The following CSMD1 variants were observed in gnomAD, a reference collection of about 807,000 sequenced individuals.
CSMD1 encodes CUB and Sushi multiple domains 1.
CSMD1 carries 213 observed loss-of-function variants against 417.5 expected under a neutral mutation model. That is an observed-to-expected ratio of 0.51 (90% confidence interval 0.46 to 0.57). The LOEUF (loss-of-function observed/expected upper bound fraction) is 0.57, where lower values mean the gene tolerates loss of function less well. Ranked by LOEUF, CSMD1 falls within the 20% of genes least tolerant of loss-of-function variation. The pLI, the probability that CSMD1 is intolerant of heterozygous loss-of-function variation, is 0.00. For synonymous variants in CSMD1, 2,862 were observed against 1,736.8 expected (o/e 1.65, Z -16.11); for missense variants, 6,923 against 4,529.7 (o/e 1.53, Z -15.17).
intron 2 of CSMD1, among the ~76,000 whole-genome samples, chr8:4,484,736 G>C (rs909750747): frequency 1.3e-5 from 2 of 152,190 alleles, no homozygotes; most frequent in African/African-American, 2.4e-5. Context: ...TTGGGAGGCA[G>C]AGACGGGCGG....
chr8:4,216,778 A>G (rs1800700087), intron 3 of CSMD1, among the ~76,000 whole-genome samples: 1 of 152,144 alleles, frequency 6.6e-6, no homozygotes, highest in Non-Finnish European at 1.5e-5. Flanking sequence ...CAGAAAAGAG[A>G]AAGTCTCCAG....
At chr8:4,955,398 T>C (rs1809026412) in intron 1 of CSMD1, among the ~76,000 whole-genome samples, 1 of 152,106 alleles carries the variant, frequency 6.6e-6, no homozygotes, top group African/African-American at 2.4e-5. Flanking sequence ...GTTGAGATTA[T>C]TGATGCCTAC....
At chr8:4,206,055 G>A (rs938274974) in intron 3 of CSMD1, among the ~76,000 whole-genome samples, 1 of 151,924 alleles carries the variant, frequency 6.6e-6, no homozygotes, top group African/African-American at 2.4e-5. Flanking sequence ...ATCTTCCCTG[G>A]ATCCATTCTT....
chr8:2,938,620 C>G lies in CSMD1; in HGVS notation c.10660G>C (p.Asp3554His), dbSNP rs1334321292. 1 of 1,612,168 alleles carries G rather than the reference C, an allele frequency of 6.2e-7. No individual in the cohort carries two copies. The highest frequency in any genetic ancestry group is 8.5e-7 in the Non-Finnish European group (1 of 1,179,182). ...KPTEAKAVRF[D>H]TTLNTVCTVV ...GTACAGACTGTGTTCAGAGTTGTGTCAAACCTCACAGCCTTGGCTTCTGTG... is the reference window on the plus strand; with the variant it reads ...GTACAGACTGTGTTCAGAGTTGTGTGAAACCTCACAGCCTTGGCTTCTGTG... The change falls in exon 70 of 70, where the codon GAC becomes CAC. Residue 3554 changes from aspartate to histidine, a missense_variant. Coordinates refer to ENST00000635120, the MANE Select transcript of CSMD1 (RefSeq NM_033225.6).
At chr8:4,452,804 A>C (rs1799228820) in intron 2 of CSMD1, among the ~76,000 whole-genome samples, 1 of 152,120 alleles carries the variant, frequency 6.6e-6, no homozygotes, top group African/African-American at 2.4e-5. Context: ...TAATAACAAA[A>C]ATCCCCCAGT....
At chr8:4,317,730 G>A (rs970365290) in intron 3 of CSMD1, among the ~76,000 whole-genome samples, 3 of 152,116 alleles carry the variant, frequency 2.0e-5, no homozygotes, top group Non-Finnish European at 2.9e-5. Context: ...GCTCAGCTGA[G>A]TACATGTCTG....
At chr8:4,721,329 T>C (rs935978599) in intron 1 of CSMD1, among the ~76,000 whole-genome samples, 2 of 152,110 alleles carry the variant, frequency 1.3e-5, no homozygotes, top group African/African-American at 2.4e-5. Flanking sequence ...GTTTGATGAG[T>C]AGAACAATCT....
intron 25 of CSMD1, among the ~76,000 whole-genome samples, chr8:3,288,776 G>C (rs1044656636): frequency 4.8e-5 from 7 of 146,490 alleles, no homozygotes; most frequent in East Asian, 4.0e-4. Context: ...ATTTTTTGAA[G>C]GGTTTTTCTC....
chr8:4,021,743 G>A (rs150697101), intron 4 of CSMD1, among the ~76,000 whole-genome samples: 188 of 151,678 alleles, frequency 1.2e-3, no homozygotes, highest in African/African-American at 4.0e-3. Context: ...ACCTATCCCC[G>A]TCCCCTCCCC....
intron 1 of CSMD1, among the ~76,000 whole-genome samples, chr8:4,671,812 C>G (rs1303198524): frequency 6.6e-6 from 1 of 152,080 alleles, no homozygotes; most frequent in African/African-American, 2.4e-5. Context: ...CCTGAAGGAG[C>G]CAGCGAAAAA....
At chr8:3,177,165 C>T (rs994208141) in intron 37 of CSMD1, among the ~76,000 whole-genome samples, 1 of 152,246 alleles carries the variant, frequency 6.6e-6, no homozygotes, top group East Asian at 1.9e-4. Context: ...GGAAAGGCGA[C>T]CAGAAAAGAA....
At chr8:4,935,800 T>C (rs1233151589) in intron 1 of CSMD1, among the ~76,000 whole-genome samples, 2 of 152,218 alleles carry the variant, frequency 1.3e-5, no homozygotes, top group East Asian at 3.8e-4. Flanking sequence ...AGAATAGGAA[T>C]TGCAACTTGA....
intron 5 of CSMD1, among the ~76,000 whole-genome samples, chr8:3,971,135 T>C (rs1053498969): frequency 6.6e-6 from 1 of 151,206 alleles, no homozygotes; most frequent in Non-Finnish European, 1.5e-5. Flanking sequence ...AATCACACGG[T>C]GTTAAATATT....
At chr8:4,647,515 C>T (rs1803611296) in intron 1 of CSMD1, among the ~76,000 whole-genome samples, 3 of 152,162 alleles carry the variant, frequency 2.0e-5, no homozygotes, top group African/African-American at 7.2e-5. Context: ...TACGCGTGTG[C>T]CATGGTTGTT....
chr8:2,955,644 C>T lies in CSMD1; in HGVS notation c.9939G>A (p.Glu3313=), dbSNP rs1314677960. 6.2e-7 allele frequency: 1 copy of T among 1,613,928 alleles called. No homozygotes were observed. Among genetic ancestry groups the T allele is most frequent in the East Asian group, 2.2e-5 (1 of 44,876 alleles). ...HPGFFLAGGS[E]HRTCKADMKW... ...TCATGTCTGCTTTACATGTTCTGTG[C>T]TCAGATCCCCCTGCGAGGAAAAAGC... The change falls in exon 64 of 70, where the codon GAG becomes GAA. Residue 3313 remains glutamate (E), a synonymous_variant. Transcript: ENST00000635120.
At chr8:3,406,333 A>G (rs887023502) in intron 14 of CSMD1, 112 bp from the exon 15 acceptor site, 6 of 779,212 alleles carry the variant, frequency 7.7e-6, no homozygotes, top group Non-Finnish European at 1.1e-5. Flanking sequence ...AATGTATATA[A>G]TTATATAAAT....
intron 2 of CSMD1, among the ~76,000 whole-genome samples, chr8:4,530,085 T>C (rs1346172315): frequency 1.3e-5 from 2 of 151,638 alleles, no homozygotes. Context: ...CGACTAGTTT[T>C]TTGTATTTTA....
At chr8:3,981,203 G>T (rs1478188040) in intron 5 of CSMD1, among the ~76,000 whole-genome samples, 1 of 152,180 alleles carries the variant, frequency 6.6e-6, no homozygotes, top group East Asian at 1.9e-4. Context: ...GTTTTCTTCA[G>T]TAAAGAACAT....
chr8:4,357,237 G>C (rs1032794956), intron 3 of CSMD1, among the ~76,000 whole-genome samples: 1 of 152,106 alleles, frequency 6.6e-6, no homozygotes, highest in African/African-American at 2.4e-5. Context: ...CCTCTTACGT[G>C]CTAGAATTAG....
Sources: allele counts gnomAD v4.1 joint callset (sites outside exome capture counted in the v4.1 genomes callset), GRCh38; gene constraint gnomAD v4.1.1; transcripts MANE v1.5; gene names NCBI Gene and HGNC (gene_info 2026-07-23, HGNC 2026-07-21).